FBXW4: variants seen among roughly 807,000 people sequenced by gnomAD.
FBXW4 encodes F-box/WD repeat-containing protein 4.
Under a neutral mutation model 61.8 loss-of-function variants are expected in FBXW4, and 40 were observed. The observed-to-expected ratio is 0.65, with a 90% confidence interval of 0.50 to 0.84. FBXW4 has a LOEUF of 0.84. Ranked by LOEUF, FBXW4 falls within the 40% of genes least tolerant of loss-of-function variation. The probability of loss-of-function intolerance (pLI) is 0.00; values close to 1 mark genes in which losing one functional copy is unlikely to be tolerated. For synonymous variants in FBXW4, 311 were observed against 313.8 expected (o/e 0.99, Z 0.10); for missense variants, 672 against 753.8 (o/e 0.89, Z 1.27).
intron 5 of FBXW4, among the ~76,000 whole-genome samples, chr10:101,651,895 C>A (rs983373352): frequency 7.2e-5 from 11 of 152,040 alleles, no homozygotes; most frequent in Non-Finnish European, 4.4e-5. Context: ...AAGGGGGCCG[C>A]GGCCCTCTCC....
chr10:101,660,145 C>G lies in FBXW4; in HGVS notation c.1235+7741G>C, dbSNP rs2064228524. On this transcript the variant is annotated intron_variant, in intron 5 of 8. Transcript: ENST00000331272. Reference sequence around the variant, plus strand: ...CTTGAAGAGCTGAGAAAGCACAGGTCAGATAAGAGGAGAAAGAGCTCCTAC... The same window carrying G: ...CTTGAAGAGCTGAGAAAGCACAGGTGAGATAAGAGGAGAAAGAGCTCCTAC... 3.0e-6 allele frequency: 3 copies of G among 985,358 alleles called. No individual in the cohort carries two copies. The South Asian group carries it at 1.4e-4, about 46-fold the overall frequency. The allele number at this position is 985,358 out of a possible 1,614,324, so 61.0% of individuals were successfully genotyped here.
At chr10:101,687,323 C>T (rs2064544002) in intron 1 of FBXW4, among the ~76,000 whole-genome samples, 2 of 152,084 alleles carry the variant, frequency 1.3e-5, no homozygotes, top group Non-Finnish European at 2.9e-5. Context: ...GGTATCCCTC[C>T]AAAGCTGCCT....
At chr10:101,643,296 A>G (rs865808487) in intron 5 of FBXW4, among the ~76,000 whole-genome samples, 3 of 152,212 alleles carry the variant, frequency 2.0e-5, no homozygotes, top group African/African-American at 7.2e-5. Context: ...TTCAGTTGCC[A>G]ACTGTCCAAG....
At chr10:101,616,898 C>T (rs1487224397) in intron 6 of FBXW4, among the ~76,000 whole-genome samples, 1 of 152,170 alleles carries the variant, frequency 6.6e-6, no homozygotes, top group African/African-American at 2.4e-5. Flanking sequence ...GTGACAATGT[C>T]GTATAGCAAG....
chr10:101,633,234 C>T (rs1184716939), intron 5 of FBXW4, among the ~76,000 whole-genome samples: 2 of 152,276 alleles, frequency 1.3e-5, no homozygotes, highest in East Asian at 3.9e-4. Flanking sequence ...ACCAGAAATA[C>T]CATTTGACCT....
chr10:101,624,091 G>GACAC (rs35664019), intron 6 of FBXW4, among the ~76,000 whole-genome samples: 100 of 147,812 alleles, frequency 6.8e-4, no homozygotes, highest in African/African-American at 1.5e-3. Context: ...GACACAGACA[G>GACAC]ACACACACAC....
At chr10:101,658,681 C>T (rs966770691) in intron 5 of FBXW4, among the ~76,000 whole-genome samples, 1 of 152,108 alleles carries the variant, frequency 6.6e-6, no homozygotes, top group African/African-American at 2.4e-5. Context: ...GATCCTTCTA[C>T]CTGTGATATG....
intron 1 of FBXW4, among the ~76,000 whole-genome samples, chr10:101,693,509 G>A (rs1462484237): frequency 6.6e-6 from 1 of 152,178 alleles, no homozygotes; most frequent in Non-Finnish European, 1.5e-5. Flanking sequence ...AACTGAAAAG[G>A]TTTTTAAATG....
At chr10:101,637,300 G>T (rs960361438) in intron 5 of FBXW4, among the ~76,000 whole-genome samples, 7 of 147,852 alleles carry the variant, frequency 4.7e-5, no homozygotes, top group African/African-American at 1.3e-4. Context: ...GCTGAGGCAG[G>T]AGAATGGTGT....
chr10:101,685,241 T>C (rs1201215014), intron 1 of FBXW4, among the ~76,000 whole-genome samples: 1 of 152,218 alleles, frequency 6.6e-6, no homozygotes, highest in Non-Finnish European at 1.5e-5. Flanking sequence ...GAACCTACCA[T>C]ACACCTAGGC....
At chr10:101,623,938 AGGAGGG>A (rs2063887154) in intron 6 of FBXW4, among the ~76,000 whole-genome samples, 1 of 152,194 alleles carries the variant, frequency 6.6e-6, no homozygotes, top group Non-Finnish European at 1.5e-5. Context: ...TGGGAAGAGG[AGGAGGG>A]GAGAAGGATG....
At chr10:101,613,026 C>T (rs1379042606) in intron 6 of FBXW4, 3 of 152,210 alleles carry the variant, frequency 2.0e-5, no homozygotes, top group South Asian at 2.1e-4. Context: ...GGAGAAAAAT[C>T]GCTGAGAAAG....
At chr10:101,652,512 C>T (rs2134862292) in intron 5 of FBXW4, among the ~76,000 whole-genome samples, 1 of 151,940 alleles carries the variant, frequency 6.6e-6, no homozygotes, top group East Asian at 1.9e-4. Flanking sequence ...AATTACCAAG[C>T]CCAAAGTAGG....
intron 5 of FBXW4, among the ~76,000 whole-genome samples, chr10:101,663,847 A>G (rs2134879533): frequency 6.6e-6 from 1 of 152,196 alleles, no homozygotes; most frequent in South Asian, 2.1e-4. Flanking sequence ...CAATCATCCA[A>G]CAACTCCAGG....
At chr10:101,635,068 A>C (rs909566810) in intron 5 of FBXW4, among the ~76,000 whole-genome samples, 6 of 149,306 alleles carry the variant, frequency 4.0e-5, no homozygotes, top group African/African-American at 1.5e-4. Flanking sequence ...ACTTCAACTG[A>C]ATTTACAGCC....
At position 101,646,337 on chromosome 10, in the gene FBXW4, C is replaced by T. The variant is rs1281971716; in HGVS notation, c.1236-21527G>A. On this transcript the variant is annotated intron_variant, in intron 5 of 8. Coordinates refer to ENST00000331272, the MANE Select transcript of FBXW4 (RefSeq NM_022039.4). ...TAAAGGGGCAGACTGGAATTTGAGCCCCCTCAAACTGACCACAGCCCCCTT... is the reference window on the plus strand; with the variant it reads ...TAAAGGGGCAGACTGGAATTTGAGCTCCCTCAAACTGACCACAGCCCCCTT... 3.9e-5 allele frequency among the ~76,000 whole-genome samples: 6 copies of T among 152,194 alleles called. No homozygotes were observed. In the East Asian group the frequency reaches 1.2e-3, roughly 29 times the overall value.
Position 101,695,132 on chromosome 10 carries a change from G to A in FBXW4, c.-27C>T, listed in dbSNP as rs916863230. The A allele has an allele frequency of 3.0e-6, 3 of 984,946 alleles. No individual in the cohort carries two copies. Among genetic ancestry groups the A allele is most frequent in the Non-Finnish European group, 3.6e-6 (3 of 830,024 alleles). The allele number at this position is 984,946 out of a possible 1,614,324, so 61.0% of individuals were successfully genotyped here. ...AGCGGCCGCGGGGCCGGCCCGACGC[G>A]GAGCCCAGCCCGAGCCGCCACCGCC... is the stretch of plus-strand genomic sequence containing the variant. On this transcript the variant is annotated 5_prime_UTR_variant, in exon 1 of 9. Coordinates refer to ENST00000331272, the MANE Select transcript of FBXW4 (RefSeq NM_022039.4). This position sits in a 1 kb window ranked among gnomAD's most constrained non-coding sequence, Gnocchi z 4.2.
chr10:101,669,408 G>T (rs1009005879), intron 4 of FBXW4, among the ~76,000 whole-genome samples: 4 of 152,162 alleles, frequency 2.6e-5, no homozygotes, highest in African/African-American at 9.7e-5. Flanking sequence ...CTTTCTTAGG[G>T]GGTGAGGAAA....
chr10:101,640,475 T>C (rs901571553), intron 5 of FBXW4, among the ~76,000 whole-genome samples: 1 of 137,538 alleles, frequency 7.3e-6, no homozygotes, highest in African/African-American at 2.7e-5. Context: ...CTTTTCTTTC[T>C]TTCTTTCTCT....
Sources: allele counts gnomAD v4.1 joint callset (sites outside exome capture counted in the v4.1 genomes callset), GRCh38; gene constraint gnomAD v4.1.1; non-coding constraint Gnocchi (gnomAD v3.1); transcripts MANE v1.5; gene names NCBI Gene and HGNC (gene_info 2026-07-23, HGNC 2026-07-21).